Variants in RBFOX1 observed in about 807,000 individuals in gnomAD.
RBFOX1 encodes the protein RNA binding protein fox-1 homolog 1.
In RBFOX1, 8 loss-of-function variants were observed where a neutral mutation model predicts 57.7. That is an observed-to-expected ratio of 0.14 (90% CI 0.08 to 0.25). RBFOX1 has a LOEUF of 0.25. RBFOX1 is among the 10% of genes least tolerant of loss of function. RBFOX1 has a pLI of 1.00. For missense variants in RBFOX1, 611 were observed against 548.5 expected (o/e 1.11, Z -1.14); for synonymous variants, 326 against 222.4 (o/e 1.47, Z -4.15).
chr16:7,397,900 C>G (rs2098168875), intron 4 of RBFOX1, among the ~76,000 whole-genome samples: 2 of 152,066 alleles, frequency 1.3e-5, no homozygotes, highest in African/African-American at 2.4e-5. Flanking sequence ...ACAGATGAAA[C>G]TACCTGATTT....
chr16:6,095,977 G>A (rs914467770), intron 1 of RBFOX1, among the ~76,000 whole-genome samples: 3 of 152,208 alleles, frequency 2.0e-5, no homozygotes, highest in Admixed American at 6.5e-5. Flanking sequence ...CCCAGGCCAC[G>A]ATGGGGAAGA....
intron 4 of RBFOX1, among the ~76,000 whole-genome samples, chr16:7,498,632 A>T (rs554885100): frequency 1.3e-5 from 2 of 152,328 alleles, no homozygotes; most frequent in South Asian, 4.1e-4. Context: ...GATATGTTGC[A>T]TTCTTTCTCT....
At chr16:6,194,420 A>G (rs2097166718) in intron 1 of RBFOX1, among the ~76,000 whole-genome samples, 1 of 152,184 alleles carries the variant, frequency 6.6e-6, no homozygotes, top group South Asian at 2.1e-4. Context: ...GATTATGACC[A>G]AGCTTAGTAA....
intron 4 of RBFOX1, among the ~76,000 whole-genome samples, chr16:5,912,284 A>G (rs899484469): frequency 6.6e-6 from 1 of 152,166 alleles, no homozygotes; most frequent in African/African-American, 2.4e-5. Context: ...GTTTCTCAGA[A>G]TGAAGCTCAC....
chr16:6,353,097 C>G (rs2086684737), intron 2 of RBFOX1, among the ~76,000 whole-genome samples: 1 of 151,990 alleles, frequency 6.6e-6, no homozygotes, highest in African/African-American at 2.4e-5. Context: ...TCTTACTGAG[C>G]CATAAATGCT....
At position 7,273,879 on chromosome 16, in the gene RBFOX1, G is replaced by C. The variant is rs184982745; in HGVS notation, c.27+221781G>C. Among the ~76,000 whole-genome samples the C allele has an allele frequency of 4.8e-4, 73 of 152,212 alleles. No homozygotes were observed. The Middle Eastern group carries it at 0.01, about 21-fold the overall frequency. On this transcript the variant is annotated intron_variant, in intron 4 of 15. Coordinates refer to ENST00000550418, the MANE Select transcript of RBFOX1 (RefSeq NM_018723.4). ...TGCATAATTTCATTATCTGCCATAC[G>C]TAAATGTATTATGTAATTCTCTCAG...
intron 4 of RBFOX1, among the ~76,000 whole-genome samples, chr16:7,370,308 A>G (rs1003358770): frequency 1.3e-5 from 2 of 152,176 alleles, no homozygotes; most frequent in South Asian, 4.1e-4. Flanking sequence ...AGAAGCAGAC[A>G]TGTTATCTAG....
rs1276630540 is a variant in RBFOX1, at chr16:6,454,889, T to TGTG, written c.-64+137832_-64+137833insGTG. ...TTTTTTTTTTTTTTTTTTTTTTTTTTTTTTTTTTTTTTGAGTTGGCGTCTC... is the reference window on the plus strand; with the variant it reads ...TTTTTTTTTTTTTTTTTTTTTTTTTTGTGTTTTTTTTTTTTGAGTTGGCGTCTC... On this transcript the variant is annotated intron_variant, in intron 2 of 15. Transcript: ENST00000550418. Among the ~76,000 whole-genome samples, 2 of 46,426 alleles carry TGTG rather than the reference T, an allele frequency of 4.3e-5. 1 individual carries two copies. The highest frequency in any genetic ancestry group is 9.3e-5 in the Non-Finnish European group (2 of 21,596). 30.5% of individuals were successfully genotyped at this position (46,426 alleles called of 152,430 possible).
At chr16:5,756,389 A>G (rs908886860) in intron 3 of RBFOX1, among the ~76,000 whole-genome samples, 3 of 152,132 alleles carry the variant, frequency 2.0e-5, no homozygotes, top group African/African-American at 4.8e-5. Context: ...TGGCAGTGAG[A>G]AAAGATGGAT....
Position 5,882,716 on chromosome 16 carries a change from G to A in RBFOX1, c.351+15381G>A, listed in dbSNP as rs369379806. ...CTGAAATGTTAGTTTGTGCAGCAGA[G>A]GCCCCATGTGCCAGTGTTGTCCCTG... On this transcript the variant is annotated intron_variant, in intron 4 of 19. Transcript: ENST00000641259. 2.6e-5 allele frequency among the ~76,000 whole-genome samples: 4 copies of A among 152,268 alleles called. No individual in the cohort carries two copies. The East Asian group carries it at 7.7e-4, about 29-fold the overall frequency.
intron 11 of RBFOX1, among the ~76,000 whole-genome samples, chr16:7,635,600 A>G (rs1285091303): frequency 6.6e-6 from 1 of 152,102 alleles, no homozygotes; most frequent in Admixed American, 6.6e-5. Flanking sequence ...TATTAGTTTG[A>G]CTTTACAGAG....
rs1411589186 is a variant in RBFOX1, at chr16:6,903,624, G to C, written c.-15-148433G>C. ...GAGGTTTCAGTCAACCTGTATAAAT[G>C]CTCCTGGGGACTGTCCTTTGGATAA... On this transcript the variant is annotated intron_variant, in intron 3 of 15. Coordinates refer to ENST00000550418, the MANE Select transcript of RBFOX1 (RefSeq NM_018723.4). Among the ~76,000 whole-genome samples, 4 of 152,122 alleles carry C rather than the reference G, an allele frequency of 2.6e-5. No individual in the cohort carries two copies. The East Asian group carries it at 7.7e-4, about 29-fold the overall frequency.
Position 6,863,828 on chromosome 16 carries a change from C to T in RBFOX1, c.-15-188229C>T, listed in dbSNP as rs144144728. Reference sequence around the variant, plus strand: ...TCAGGAGGATGTGCTATGAAAGGAGCCAAATCAGGTAACCAGAAACAAATA... The same window carrying T: ...TCAGGAGGATGTGCTATGAAAGGAGTCAAATCAGGTAACCAGAAACAAATA... On this transcript the variant is annotated intron_variant, in intron 3 of 15. Coordinates refer to ENST00000550418, the MANE Select transcript of RBFOX1 (RefSeq NM_018723.4). Among the ~76,000 whole-genome samples the T allele has an allele frequency of 4.2e-5, 6 of 143,522 alleles. No individual in the cohort carries two copies. In the East Asian group the frequency reaches 1.3e-3, roughly 30 times the overall value. 94.2% of individuals were successfully genotyped at this position (143,522 alleles called of 152,430 possible). A position where few individuals can be genotyped will look rare whatever the true frequency, so the allele number is the denominator to read the frequency against.
At chr16:5,425,544 A>G (rs1320157375) in intron 1 of RBFOX1, among the ~76,000 whole-genome samples, 2 of 152,178 alleles carry the variant, frequency 1.3e-5, no homozygotes, top group African/African-American at 4.8e-5. Flanking sequence ...AAATTGGGCC[A>G]TCGTGCAAAA....
intron 3 of RBFOX1, among the ~76,000 whole-genome samples, chr16:5,793,148 C>G (rs1159465164): frequency 6.6e-6 from 1 of 152,192 alleles, no homozygotes; most frequent in East Asian, 1.9e-4. Context: ...CCCTTTCTCT[C>G]TGGCTGGTCT....
chr16:5,284,780 T>TTTTTTTTTTTTTC (rs1383317865), intron 1 of RBFOX1, among the ~76,000 whole-genome samples: 1 of 146,358 alleles, frequency 6.8e-6, no homozygotes, highest in African/African-American at 2.5e-5. Flanking sequence ...TTTTTTTTTT[T>TTTTTTTTTTTTTC]TTACTTGTAG....
At chr16:6,882,367 G>A (rs1448343672) in intron 3 of RBFOX1, among the ~76,000 whole-genome samples, 2 of 152,050 alleles carry the variant, frequency 1.3e-5, no homozygotes, top group African/African-American at 4.8e-5. Context: ...TTACAGTTTA[G>A]TCACCTAACC....
At chr16:7,650,012 A>AG (rs370386752) in intron 11 of RBFOX1, among the ~76,000 whole-genome samples, 1,988 of 149,916 alleles carry the variant, frequency 0.013, 54 homozygotes, top group African/African-American at 0.046. Context: ...GGAGGAGGGA[A>AG]GACAAAAGGA....
At chr16:7,109,478 T>G (rs1390127531) in intron 4 of RBFOX1, among the ~76,000 whole-genome samples, 2 of 151,970 alleles carry the variant, frequency 1.3e-5, no homozygotes, top group Non-Finnish European at 2.9e-5. Flanking sequence ...GGAAGGAAGG[T>G]GGTGCACCTT....
Sources: gnomAD v4.1 joint callset for allele counts (sites outside exome capture counted in the v4.1 genomes callset) on GRCh38, gnomAD v4.1.1 for gene constraint, MANE v1.5 for transcripts, NCBI Gene and HGNC (gene_info 2026-07-23, HGNC 2026-07-21) for gene names.